Variants in THSD4 observed in about 807,000 individuals in gnomAD.
The protein encoded by THSD4 is thrombospondin type 1 domain containing 4.
THSD4 carries 69 observed loss-of-function variants against 119.0 expected under a neutral mutation model. That is an observed-to-expected ratio of 0.58 (90% confidence interval 0.48 to 0.71). The LOEUF is 0.71. Among genes scored for constraint, THSD4 ranks in the 30% least tolerant of loss-of-function variants. The pLI is 0.00. For synonymous variants in THSD4, 524 were observed against 540.4 expected (o/e 0.97, Z 0.42); for missense variants, 1,393 against 1,391.1 (o/e 1.00, Z -0.02).
intron 7 of THSD4, among the ~76,000 whole-genome samples, chr15:71,445,223 G>A (rs1033812022): frequency 2.6e-5 from 4 of 152,054 alleles, no homozygotes; most frequent in South Asian, 2.1e-4. Context: ...TCTCCCTGTC[G>A]TGCCCCAAAT....
chr15:71,196,257 T>C (rs1249293640), intron 3 of THSD4, among the ~76,000 whole-genome samples: 1 of 152,126 alleles, frequency 6.6e-6, no homozygotes, highest in African/African-American at 2.4e-5. Context: ...TATTATCACA[T>C]TGGCAGCACC....
intron 3 of THSD4, among the ~76,000 whole-genome samples, chr15:71,199,900 TGTGGTGCATGTGTGGG>T (rs1482368870): frequency 3.4e-5 from 4 of 118,552 alleles, no homozygotes; most frequent in East Asian, 4.3e-4. Flanking sequence ...GGTATGTGTG[TGTGGTGCATGTGTGGG>T]GTGTGTGTGT....
intron 7 of THSD4, among the ~76,000 whole-genome samples, chr15:71,412,745 A>G (rs1413000088): frequency 6.6e-6 from 1 of 152,194 alleles, no homozygotes. Context: ...CCCCCCCACC[A>G]ACAACATTTT....
At chr15:71,646,590 A>G (rs966781890) in intron 7 of THSD4, among the ~76,000 whole-genome samples, 5 of 152,252 alleles carry the variant, frequency 3.3e-5, no homozygotes, top group African/African-American at 1.2e-4. Context: ...AAAACATAAT[A>G]TGCATTGAGT....
intron 4 of THSD4, among the ~76,000 whole-genome samples, chr15:71,234,329 G>A (rs1479299642): frequency 1.3e-5 from 2 of 152,202 alleles, no homozygotes; most frequent in African/African-American, 4.8e-5. Context: ...CTGCCTGCTA[G>A]TCAAACTCTC....
chr15:71,748,714 A>T, intron 14 of THSD4, 120 bp downstream of exon 14: 2 of 1,283,356 alleles, frequency 1.6e-6, no homozygotes, highest in East Asian at 5.1e-5. Flanking sequence ...GGGGGGAAAA[A>T]AAAGGCCCAG....
rs907534674 is a variant in THSD4 at position 71,302,930 on chromosome 15, C to T, written c.1015+46215C>T. ...GGAGGGTCTTGCAGTCATCTACATA[C>T]TTCCCTGCGAGTTCTTGGTTTGGTC... On this transcript the variant is annotated intron_variant, in intron 6 of 17. Coordinates refer to ENST00000261862, the MANE Select transcript of THSD4 (RefSeq NM_024817.3). Among the ~76,000 whole-genome samples, 49 of 152,124 alleles carry T rather than the reference C, an allele frequency of 3.2e-4. 2 individuals carry two copies. The highest frequency in any genetic ancestry group is 2.9e-5 in the Non-Finnish European group (2 of 68,024).
intron 6 of THSD4, among the ~76,000 whole-genome samples, chr15:71,269,914 A>G (rs1293596884): frequency 6.6e-6 from 1 of 152,242 alleles, no homozygotes; most frequent in African/African-American, 2.4e-5. Flanking sequence ...GACCTCTTCA[A>G]GGAGAACTAC....
At chr15:71,267,216 G>T (rs778719484) in intron 6 of THSD4, among the ~76,000 whole-genome samples, 2 of 152,172 alleles carry the variant, frequency 1.3e-5, no homozygotes, top group East Asian at 3.9e-4. Flanking sequence ...CTAGAGAAAG[G>T]TCGGGTTACC....
Position 71,504,130 on chromosome 15 carries a change from A to C in THSD4, c.1152+92307A>C, listed in dbSNP as rs939355047. Reference sequence around the variant, plus strand: ...AGCAAATCATACTTTGAGATTTGGCAAGGCCTCTGAGACAGGCCCTTGTTT... The same window carrying C: ...AGCAAATCATACTTTGAGATTTGGCCAGGCCTCTGAGACAGGCCCTTGTTT... On this transcript the variant is annotated intron_variant, in intron 7 of 17. Coordinates refer to ENST00000261862, the MANE Select transcript of THSD4 (RefSeq NM_024817.3). 5.3e-5 allele frequency among the ~76,000 whole-genome samples: 8 copies of C among 152,322 alleles called. No individual in the cohort carries two copies. The East Asian group carries it at 1.5e-3, about 29-fold the overall frequency.
chr15:71,172,095 G>GT (rs1301058799), intron 3 of THSD4: 1 of 152,138 alleles, frequency 6.6e-6, no homozygotes, highest in Non-Finnish European at 1.5e-5. Context: ...GGAGTCTGAG[G>GT]TGGGTGGATC....
At chr15:71,330,817 A>G (rs1307547678) in intron 6 of THSD4, among the ~76,000 whole-genome samples, 12 of 152,078 alleles carry the variant, frequency 7.9e-5, no homozygotes, top group Non-Finnish European at 4.4e-5. Flanking sequence ...TCACCAGTCC[A>G]TCGCTCTGTT....
intron 6 of THSD4, chr15:71,348,363 G>A (rs971290311): frequency 6.6e-6 from 1 of 152,194 alleles, no homozygotes; most frequent in Admixed American, 6.5e-5. Context: ...TGCTGTTGTT[G>A]CTGCTCTGAG....
chr15:71,605,446 G>T lies in THSD4; in HGVS notation c.1153-55084G>T, dbSNP rs192216519. Among the ~76,000 whole-genome samples the T allele has an allele frequency of 1.1e-3, 162 of 152,300 alleles. 2 individuals are homozygous for T. Among genetic ancestry groups the T allele is most frequent in the Admixed American group, 3.9e-3 (60 of 15,308 alleles). On this transcript the variant is annotated intron_variant, in intron 7 of 17. Coordinates refer to ENST00000261862, the MANE Select transcript of THSD4 (RefSeq NM_024817.3). ...CTCTAATATGATCATTCTGACTGCC[G>T]TGTGGGGAACAGACAATAAGTGGAC...
At chr15:71,239,174 C>G (rs1439664243) in intron 4 of THSD4, among the ~76,000 whole-genome samples, 2 of 152,190 alleles carry the variant, frequency 1.3e-5, no homozygotes, top group African/African-American at 2.4e-5. Flanking sequence ...TTGTAACTAT[C>G]TATAACAAAG....
At chr15:71,568,395 T>A (rs2049281790) in intron 7 of THSD4, among the ~76,000 whole-genome samples, 1 of 152,092 alleles carries the variant, frequency 6.6e-6, no homozygotes, top group South Asian at 2.1e-4. Context: ...GAAGGCCAAG[T>A]AGGATCCCGG....
chr15:71,416,269 GATGCA>G (rs2046758293), intron 7 of THSD4, among the ~76,000 whole-genome samples: 1 of 112,186 alleles, frequency 8.9e-6, no homozygotes, highest in African/African-American at 3.0e-5. Flanking sequence ...CACTCAAGTT[GATGCA>G]AATCTTGGCT....
rs2051455084 is a variant in THSD4 at position 71,668,281 on chromosome 15, G to GT, written c.1357+7548dup. 1.3e-5 allele frequency among the ~76,000 whole-genome samples: 2 copies of GT among 152,202 alleles called. 1 individual carries two copies. The highest frequency in any genetic ancestry group is 4.1e-4 in the South Asian group (2 of 4,834). ...GTGACCTAAAACCACTAAGACTGGA[G>GT]TGGGGGCATCAGTGAGCAAATATCT... On this transcript the variant is annotated intron_variant, in intron 8 of 17. Transcript: ENST00000261862.
At chr15:71,194,902 G>T (rs1037202853) in intron 3 of THSD4, among the ~76,000 whole-genome samples, 1 of 152,088 alleles carries the variant, frequency 6.6e-6, no homozygotes, top group Non-Finnish European at 1.5e-5. Context: ...TGGAGAAGCT[G>T]CCCTGGGAAA....
Sources: allele counts gnomAD v4.1 joint callset (sites outside exome capture counted in the v4.1 genomes callset), GRCh38; gene constraint gnomAD v4.1.1; transcripts MANE v1.5; gene names NCBI Gene and HGNC (gene_info 2026-07-23, HGNC 2026-07-21).